Variants in NLGN1 observed in about 807,000 individuals in gnomAD.
The protein encoded by NLGN1 is neuroligin 1.
NLGN1 carries 12 observed loss-of-function variants against 65.5 expected under a neutral mutation model. The observed-to-expected ratio is 0.18, with a 90% CI of 0.12 to 0.30. NLGN1 has a LOEUF of 0.30. NLGN1 is among the 10% of genes least tolerant of loss of function. The pLI, the probability that NLGN1 is intolerant of heterozygous loss-of-function variation, is 1.00. For synonymous variants in NLGN1, 350 were observed against 359.5 expected (o/e 0.97, Z 0.30); for missense variants, 750 against 1,007.1 (o/e 0.74, Z 3.46).
At chr3:173,906,575 A>AT (rs1411681107) in intron 4 of NLGN1, among the ~76,000 whole-genome samples, 2 of 152,058 alleles carry the variant, frequency 1.3e-5, no homozygotes, top group African/African-American at 4.8e-5. Flanking sequence ...TTATTACTAT[A>AT]TTTTTCGCCT....
intron 1 of NLGN1, among the ~76,000 whole-genome samples, chr3:173,424,881 C>A (rs562998367): frequency 2.0e-5 from 3 of 152,316 alleles, no homozygotes; most frequent in African/African-American, 7.2e-5. Context: ...TTCCACATTT[C>A]AGGTTATCTT....
chr3:173,821,743 T>C (rs1720348684), intron 4 of NLGN1, among the ~76,000 whole-genome samples: 1 of 152,164 alleles, frequency 6.6e-6, no homozygotes, highest in Admixed American at 6.5e-5. Flanking sequence ...TGATTCCAAG[T>C]TGATCTGCAT....
At chr3:174,068,900 C>T (rs1034618294) in intron 4 of NLGN1, among the ~76,000 whole-genome samples, 2 of 151,992 alleles carry the variant, frequency 1.3e-5, no homozygotes, top group Non-Finnish European at 2.9e-5. Flanking sequence ...AATGTGTGTG[C>T]CGATGCTGTG....
At chr3:174,099,741 A>T (rs1376032173) in intron 4 of NLGN1, among the ~76,000 whole-genome samples, 1 of 152,208 alleles carries the variant, frequency 6.6e-6, no homozygotes, top group Non-Finnish European at 1.5e-5. Flanking sequence ...CAGAAAAAAA[A>T]AGTTCAAAAG....
intron 1 of NLGN1, among the ~76,000 whole-genome samples, chr3:173,418,524 A>T (rs1714270662): frequency 6.6e-6 from 1 of 152,122 alleles, no homozygotes; most frequent in South Asian, 2.1e-4. Flanking sequence ...ATTCTTTTTG[A>T]TATTTTCCAA....
intron 3 of NLGN1, among the ~76,000 whole-genome samples, chr3:173,774,084 C>T (rs1779960402): frequency 6.6e-6 from 1 of 152,148 alleles, no homozygotes; most frequent in African/African-American, 2.4e-5. Context: ...GCATATGGGC[C>T]ACAGTGGAGT....
intron 1 of NLGN1, among the ~76,000 whole-genome samples, chr3:173,413,344 G>C (rs1018419080): frequency 1.3e-5 from 2 of 152,110 alleles, no homozygotes; most frequent in African/African-American, 4.8e-5. Context: ...GCTCATGCCT[G>C]TAACCCCAGC....
intron 4 of NLGN1, among the ~76,000 whole-genome samples, chr3:173,883,039 C>A (rs573415419): frequency 8.0e-6 from 1 of 124,560 alleles, no homozygotes; most frequent in Non-Finnish European, 1.7e-5. Flanking sequence ...AGTAGCACTT[C>A]CAATTTCCTT....
intron 4 of NLGN1, among the ~76,000 whole-genome samples, chr3:174,105,210 G>C (rs934983658): frequency 4.6e-5 from 7 of 152,038 alleles, no homozygotes; most frequent in African/African-American, 1.7e-4. Context: ...GTTGCAAGAA[G>C]GGGAGGAATT....
chr3:173,559,188 T>C (rs1439856693), intron 2 of NLGN1, among the ~76,000 whole-genome samples: 1 of 152,198 alleles, frequency 6.6e-6, no homozygotes, highest in African/African-American at 2.4e-5. Flanking sequence ...GAATACACTG[T>C]GATTTCTCTC....
chr3:174,039,382 C>T (rs202212302), intron 4 of NLGN1, among the ~76,000 whole-genome samples: 31 of 151,998 alleles, frequency 2.0e-4, no homozygotes, highest in East Asian at 1.2e-3. Context: ...GTTTTAAGCC[C>T]GGCATGCATT....
At chr3:174,186,029 C>T (rs904148659) in intron 4 of NLGN1, among the ~76,000 whole-genome samples, 12 of 151,878 alleles carry the variant, frequency 7.9e-5, no homozygotes, top group Admixed American at 7.2e-4. Context: ...ATAAATTTTA[C>T]AGGGAGAGTG....
At chr3:174,181,945 C>T (rs1488474341) in intron 4 of NLGN1, among the ~76,000 whole-genome samples, 1 of 142,432 alleles carries the variant, frequency 7.0e-6, no homozygotes, top group Non-Finnish European at 1.5e-5. Context: ...CCACTGCACT[C>T]CAGCCTGGGC....
downstream of NLGN1, among the ~76,000 whole-genome samples, chr3:174,286,832 T>C (rs1282431080): frequency 6.6e-6 from 1 of 151,414 alleles, no homozygotes. Flanking sequence ...GGCAAGAATT[T>C]AGAGAATAGA....
At chr3:174,282,250 A>G (rs893633759) in exon 7 of NLGN1, 4 of 152,198 alleles carry the variant, frequency 2.6e-5, no homozygotes. Context: ...CATGTGGTAC[A>G]GGATCTATAA....
intron 3 of NLGN1, among the ~76,000 whole-genome samples, chr3:173,766,563 T>C (rs564621912): frequency 6.6e-6 from 1 of 152,192 alleles, no homozygotes; most frequent in Non-Finnish European, 1.5e-5. Flanking sequence ...TCATCTTACG[T>C]ACATTCTTCA....
chr3:173,541,928 G>A (rs1384141900), intron 2 of NLGN1, among the ~76,000 whole-genome samples: 3 of 151,810 alleles, frequency 2.0e-5, no homozygotes, highest in East Asian at 1.9e-4. Flanking sequence ...GGCATTTGAT[G>A]GACCCTATCA....
Position 173,539,716 on chromosome 3 carries a change from GTACATATGCACATATATACATATAT to G in NLGN1, c.-320-64562_-320-64538del, listed in dbSNP as rs1419398302. ...TACATATGCACATATATACATATAT[GTACATATGCACATATATACATATAT>G]GTACATATATAACATATACATGTAC... On this transcript the variant is annotated intron_variant, in intron 2 of 6. Coordinates refer to ENST00000457714, the Ensembl canonical transcript of NLGN1. Among the ~76,000 whole-genome samples, 386 of 122,192 alleles carry G rather than the reference GTACATATGCACATATATACATATAT, an allele frequency of 3.2e-3. 6 individuals are homozygous for G. The highest frequency in any genetic ancestry group is 0.012 in the African/African-American group (353 of 29,752). The allele number at this position is 122,192 out of a possible 152,430, so 80.2% of individuals were successfully genotyped here.
At chr3:174,032,184 A>ATAAAC (rs1450825764) in intron 4 of NLGN1, among the ~76,000 whole-genome samples, 1 of 152,192 alleles carries the variant, frequency 6.6e-6, no homozygotes, top group African/African-American at 2.4e-5. Context: ...AAACAAGAAC[A>ATAAAC]TAAACTAAAA....
Sources: allele counts gnomAD v4.1 joint callset (sites outside exome capture counted in the v4.1 genomes callset), GRCh38; gene constraint gnomAD v4.1.1; transcripts MANE v1.5; gene names NCBI Gene and HGNC (gene_info 2026-07-23, HGNC 2026-07-21).